Variants in ADGRV1 observed in about 807,000 individuals in gnomAD.
The protein encoded by ADGRV1 is adhesion G protein-coupled receptor V1.
Under a neutral mutation model 596.2 loss-of-function variants are expected in ADGRV1, and 359 were observed. The ratio of observed to expected loss-of-function variants is 0.60; its 90% confidence interval spans 0.55 to 0.66. ADGRV1 has a LOEUF of 0.66. Ranked by LOEUF, ADGRV1 falls within the 30% of genes least tolerant of loss-of-function variation. The pLI is 0.00. For synonymous variants in ADGRV1, 2,681 were observed against 2,679.2 expected (o/e 1.00, Z -0.02); for missense variants, 7,274 against 7,575.6 (o/e 0.96, Z 1.48).
In ADGRV1 at chr5:90,779,047, A is replaced by G; in HGVS notation, c.13032A>G (p.Glu4344=). 6.2e-7 allele frequency: 1 copy of G among 1,613,270 alleles called. No homozygotes were observed. Among genetic ancestry groups the G allele is most frequent in the Non-Finnish European group, 8.5e-7 (1 of 1,179,394 alleles). ...HVEILDDDYP[E]GPEEFSLTIT... ...AAATCCTTGATGATGACTATCCTGA[A>G]GGCCCAGAGGAATTTTCTCTAACAA... The change falls in exon 64 of 90, where the codon GAA becomes GAG. Residue 4344 remains glutamate, a synonymous_variant. Coordinates refer to ENST00000405460, the MANE Select transcript of ADGRV1 (RefSeq NM_032119.4).
At chr5:91,086,884 A>G (rs889697380) in intron 86 of ADGRV1, among the ~76,000 whole-genome samples, 1 of 152,064 alleles carries the variant, frequency 6.6e-6, no homozygotes, top group Non-Finnish European at 1.5e-5. Context: ...ATGGCACTCC[A>G]TTTTTCTGTA....
At chr5:90,947,430 G>A (rs190653732) in intron 83 of ADGRV1, among the ~76,000 whole-genome samples, 1 of 151,704 alleles carries the variant, frequency 6.6e-6, no homozygotes, top group Non-Finnish European at 1.5e-5. Context: ...CATTCTGTAG[G>A]GTTTAGTTTA....
intron 86 of ADGRV1, among the ~76,000 whole-genome samples, chr5:91,097,273 G>T (rs1582046776): frequency 6.6e-6 from 1 of 152,118 alleles, no homozygotes; most frequent in South Asian, 2.1e-4. Flanking sequence ...GCACCCTGGG[G>T]CCTCTTTTAT....
At position 90,985,446 on chromosome 5, in the gene ADGRV1, A is replaced by T. The variant is rs897417122; in HGVS notation, c.18076A>T (p.Ile6026Phe). The change falls in exon 85 of 90, where the codon ATT (isoleucine) becomes TTT (phenylalanine). Residue 6026 changes from isoleucine (I) to phenylalanine (F), a missense_variant. Coordinates refer to ENST00000405460, the MANE Select transcript of ADGRV1 (RefSeq NM_032119.4). ...LSWGLPAFVV[I>F]LLIVILKGIY... ...TTGGGGACTACCAGCTTTTGTGGTG[A>T]TTCTCCTCATAGTTATTTTGAAAGG... 1 of 1,613,724 alleles carries T rather than the reference A, an allele frequency of 6.2e-7. No individual in the cohort carries two copies. The highest frequency in any genetic ancestry group is 1.1e-5 in the South Asian group (1 of 91,052).
At chr5:90,839,425 A>G (rs1765245767) in intron 77 of ADGRV1, among the ~76,000 whole-genome samples, 1 of 152,144 alleles carries the variant, frequency 6.6e-6, no homozygotes, top group Non-Finnish European at 1.5e-5. Flanking sequence ...CGTGTTAGCC[A>G]GGATGGTCTT....
At chr5:90,898,832 T>C (rs1581452875) in intron 83 of ADGRV1, among the ~76,000 whole-genome samples, 1 of 151,474 alleles carries the variant, frequency 6.6e-6, no homozygotes, top group East Asian at 1.9e-4. Flanking sequence ...TGTAATCCCA[T>C]CTATTCAGGA....
Position 90,778,902 on chromosome 5 carries a change from G to A in ADGRV1, c.12887G>A (p.Gly4296Asp). The A allele has an allele frequency of 6.2e-7, 1 of 1,613,172 alleles. No homozygotes were observed. Among genetic ancestry groups the A allele is most frequent in the Non-Finnish European group, 8.5e-7 (1 of 1,179,370 alleles). The change falls in exon 64 of 90, where the codon GGC (glycine) becomes GAC (aspartate). Residue 4296 changes from glycine to aspartate, a missense_variant. Gly to Asp is a moderately conservative substitution (Grantham distance 94). Coordinates refer to ENST00000405460, the MANE Select transcript of ADGRV1 (RefSeq NM_032119.4). ...ATCATCCGTTCCAGTGGAGATTTTG[G>A]CCATGTGCGACTCTGGTACAAGACG... ...ITIIRSSGDF[G>D]HVRLWYKTMS... is the part of the protein sequence containing the mutation.
chr5:91,107,199 A>G (rs1171836082), intron 87 of ADGRV1, among the ~76,000 whole-genome samples: 1 of 152,192 alleles, frequency 6.6e-6, no homozygotes, highest in Non-Finnish European at 1.5e-5. Flanking sequence ...TTGAGAAAAA[A>G]AAGTGAAATA....
At chr5:90,835,044 A>G (rs996781472) in intron 77 of ADGRV1, among the ~76,000 whole-genome samples, 1 of 148,284 alleles carries the variant, frequency 6.7e-6, no homozygotes, top group Non-Finnish European at 1.5e-5. Context: ...TGTCTTCTTC[A>G]ATTGTTTTGC....
chr5:90,635,404 T>A, intron 10 of ADGRV1, 114 bp downstream of exon 10: 1 of 895,464 alleles, frequency 1.1e-6, no homozygotes, highest in Non-Finnish European at 1.7e-6. Context: ...CTTCAGCATG[T>A]ACAAGAAGCC....
chr5:90,854,447 G>A (rs1028055846), intron 81 of ADGRV1, among the ~76,000 whole-genome samples: 4 of 152,226 alleles, frequency 2.6e-5, no homozygotes, highest in Middle Eastern at 3.4e-3. Flanking sequence ...CTACTTTCAC[G>A]GGATGTGGCA....
At chr5:90,842,547 G>T (rs1017996858) in intron 78 of ADGRV1, among the ~76,000 whole-genome samples, 1 of 147,900 alleles carries the variant, frequency 6.8e-6, no homozygotes, top group Non-Finnish European at 1.5e-5. Flanking sequence ...GTGAAACCCT[G>T]TCTCTACTAA....
chr5:90,715,446 C>T (rs1171660206), intron 42 of ADGRV1, among the ~76,000 whole-genome samples: 1 of 152,176 alleles, frequency 6.6e-6, no homozygotes, highest in Non-Finnish European at 1.5e-5. Flanking sequence ...CTTACTCCTG[C>T]ATGGGCTGAT....
At chr5:91,019,781 T>G (rs1010578462) in intron 85 of ADGRV1, among the ~76,000 whole-genome samples, 19 of 152,068 alleles carry the variant, frequency 1.2e-4, no homozygotes, top group Non-Finnish European at 5.9e-5. Flanking sequence ...GATTATTTTC[T>G]ATTTCTCCAC....
At chr5:90,781,230 G>A in intron 64 of ADGRV1, 200 bp from the exon 65 acceptor site, 1 of 589,364 alleles carries the variant, frequency 1.7e-6, no homozygotes, top group Middle Eastern at 4.7e-4. Context: ...CCACTCATTG[G>A]GAGCAACACA....
intron 45 of ADGRV1, among the ~76,000 whole-genome samples, chr5:90,722,492 C>T (rs1751183595): frequency 6.6e-6 from 1 of 151,280 alleles, no homozygotes; most frequent in Admixed American, 6.6e-5. Flanking sequence ...GGGCGGATCA[C>T]CTGGGGTCGG....
chr5:90,867,091 C>T (rs1768197128), intron 83 of ADGRV1, among the ~76,000 whole-genome samples: 1 of 152,026 alleles, frequency 6.6e-6, no homozygotes, highest in African/African-American at 2.4e-5. Context: ...CCTGATAAGG[C>T]TGGTAAACAA....
At chr5:91,103,697 T>C (rs1791594833) in intron 87 of ADGRV1, among the ~76,000 whole-genome samples, 1 of 152,196 alleles carries the variant, frequency 6.6e-6, no homozygotes, top group South Asian at 2.1e-4. Flanking sequence ...TGGCTTTTTT[T>C]GAAGGCAGTA....
At chr5:90,901,259 A>C (rs1261661056) in intron 83 of ADGRV1, among the ~76,000 whole-genome samples, 1 of 152,148 alleles carries the variant, frequency 6.6e-6, no homozygotes, top group Non-Finnish European at 1.5e-5. Context: ...GTTAGTTTGT[A>C]AGTGTTCATA....
Sources: allele counts gnomAD v4.1 joint callset (sites outside exome capture counted in the v4.1 genomes callset), GRCh38; gene constraint gnomAD v4.1.1; transcripts MANE v1.5; gene names NCBI Gene and HGNC (gene_info 2026-07-23, HGNC 2026-07-21).